The following RCAN2 variants were observed in gnomAD, a reference collection of about 807,000 sequenced individuals.
RCAN2 encodes the protein calcipressin-2.
RCAN2 carries 9 observed loss-of-function variants against 23.6 expected under a neutral mutation model. The ratio of observed to expected loss-of-function variants is 0.38; its 90% CI spans 0.23 to 0.67. RCAN2 has a LOEUF of 0.67. Ranked by LOEUF, RCAN2 falls within the 30% of genes least tolerant of loss-of-function variation. The pLI is 0.51. For synonymous variants in RCAN2, 109 were observed against 115.7 expected, an observed-to-expected ratio of 0.94 and a Z score of 0.37; for missense variants, 273 against 302.3, an observed-to-expected ratio of 0.90 and a Z score of 0.72.
intron 1 of RCAN2, among the ~76,000 whole-genome samples, chr6:46,477,378 C>T (rs1768744222): frequency 6.6e-6 from 1 of 152,094 alleles, no homozygotes; most frequent in Non-Finnish European, 1.5e-5. Context: ...TTGGGTAACA[C>T]ATAAAAGCTA....
intron 2 of RCAN2, among the ~76,000 whole-genome samples, chr6:46,249,135 T>C (rs562682446): frequency 3.3e-5 from 5 of 151,826 alleles, no homozygotes; most frequent in Non-Finnish European, 7.4e-5. Context: ...ATTCAAAGTA[T>C]ATGAAACAAA....
chr6:46,483,786 A>G (rs1486320165), intron 1 of RCAN2, among the ~76,000 whole-genome samples: 1 of 152,226 alleles, frequency 6.6e-6, no homozygotes, highest in Non-Finnish European at 1.5e-5. Context: ...TTTAAAATAA[A>G]TAGTTGCTTG....
chr6:46,290,205 G>A (rs1762510759), intron 2 of RCAN2, among the ~76,000 whole-genome samples: 1 of 152,078 alleles, frequency 6.6e-6, no homozygotes, highest in Non-Finnish European at 1.5e-5. Flanking sequence ...GACTCAGCCT[G>A]TGCCCCAATA....
intron 2 of RCAN2, among the ~76,000 whole-genome samples, chr6:46,402,894 T>C (rs888555099): frequency 1.3e-5 from 2 of 152,202 alleles, no homozygotes. Context: ...GAGGTGATAC[T>C]TCAGCAGACT....
chr6:46,372,814 C>T (rs1307855809), intron 2 of RCAN2, among the ~76,000 whole-genome samples: 2 of 152,174 alleles, frequency 1.3e-5, no homozygotes, highest in Non-Finnish European at 2.9e-5. Flanking sequence ...ATTTAACTAT[C>T]AGAAGTCTGG....
At chr6:46,356,216 C>T (rs1160139243) in intron 2 of RCAN2, among the ~76,000 whole-genome samples, 1 of 152,200 alleles carries the variant, frequency 6.6e-6, no homozygotes, top group Non-Finnish European at 1.5e-5. Context: ...CACAAACCTG[C>T]CCGGATCAGT....
At chr6:46,383,909 GC>G (rs1319096557) in intron 2 of RCAN2, among the ~76,000 whole-genome samples, 1 of 152,080 alleles carries the variant, frequency 6.6e-6, no homozygotes, top group Admixed American at 6.5e-5. Context: ...ACTGGGCCCT[GC>G]CTTCCCCTCC....
chr6:46,338,355 C>T (rs1456069208), intron 2 of RCAN2, among the ~76,000 whole-genome samples: 2 of 152,158 alleles, frequency 1.3e-5, no homozygotes, highest in East Asian at 1.9e-4. Flanking sequence ...CTAACTGTCC[C>T]TGTGACATTG....
At chr6:46,467,209 G>T (rs574639933) in intron 1 of RCAN2, among the ~76,000 whole-genome samples, 26 of 152,176 alleles carry the variant, frequency 1.7e-4, no homozygotes, top group African/African-American at 5.8e-4. Flanking sequence ...ACAGGACCTT[G>T]CACTTGGAAG....
chr6:46,270,180 C>T (rs1364196207), intron 2 of RCAN2, among the ~76,000 whole-genome samples: 1 of 151,944 alleles, frequency 6.6e-6, no homozygotes, highest in Non-Finnish European at 1.5e-5. Context: ...CAGGAGGAGT[C>T]AAGTGAGTAT....
intron 2 of RCAN2, among the ~76,000 whole-genome samples, chr6:46,387,638 C>T (rs1458381506): frequency 1.3e-5 from 2 of 152,154 alleles, no homozygotes; most frequent in African/African-American, 4.8e-5. Context: ...AATAGGAACA[C>T]TTTTACACTG....
chr6:46,490,114 G>C (rs566258682), intron 1 of RCAN2, among the ~76,000 whole-genome samples: 1 of 152,300 alleles, frequency 6.6e-6, no homozygotes, highest in East Asian at 1.9e-4. Flanking sequence ...GGATAACAAA[G>C]GTGTGAAACT....
intron 2 of RCAN2, among the ~76,000 whole-genome samples, chr6:46,378,990 T>C (rs1460331673): frequency 2.0e-5 from 3 of 152,178 alleles, no homozygotes; most frequent in Non-Finnish European, 2.9e-5. Context: ...CAGTGGCCTA[T>C]TGTGCAAAAT....
intron 2 of RCAN2, among the ~76,000 whole-genome samples, chr6:46,406,411 C>T (rs1275251895): frequency 6.6e-6 from 1 of 152,226 alleles, no homozygotes; most frequent in African/African-American, 2.4e-5. Flanking sequence ...CTCCAAATCT[C>T]ATTAAGTTCT....
At chr6:46,455,746 C>T (rs532633078) in intron 2 of RCAN2, among the ~76,000 whole-genome samples, 2 of 151,750 alleles carry the variant, frequency 1.3e-5, no homozygotes, top group South Asian at 4.2e-4. Flanking sequence ...GTCCCAGCTA[C>T]TCAGGAGGCT....
chr6:46,418,469 AT>A (rs1766772667), intron 2 of RCAN2, among the ~76,000 whole-genome samples: 1 of 151,676 alleles, frequency 6.6e-6, no homozygotes, highest in Non-Finnish European at 1.5e-5. Flanking sequence ...CCTCCTTACA[AT>A]CAGTGCCTTG....
chr6:46,383,928 T>C (rs773925893), intron 2 of RCAN2, among the ~76,000 whole-genome samples: 3 of 152,210 alleles, frequency 2.0e-5, no homozygotes, highest in Non-Finnish European at 4.4e-5. Context: ...TCCTCTGCCC[T>C]GTACCAGGGA....
intron 4 of RCAN2, among the ~76,000 whole-genome samples, chr6:46,239,969 C>A (rs1258296702): frequency 6.6e-6 from 1 of 152,040 alleles, no homozygotes; most frequent in African/African-American, 2.4e-5. Context: ...GCAAAGAAAA[C>A]TAAGGGAACC....
chr6:46,246,322 CAA>C (rs1766511344), intron 4 of RCAN2, among the ~76,000 whole-genome samples: 1 of 152,098 alleles, frequency 6.6e-6, no homozygotes, highest in Non-Finnish European at 1.5e-5. Context: ...TTTCTTGTAA[CAA>C]GGGGTTCCTG....
Sources: gnomAD v4.1 joint callset for allele counts (sites outside exome capture counted in the v4.1 genomes callset) on GRCh38, gnomAD v4.1.1 for gene constraint, MANE v1.5 for transcripts, NCBI Gene and HGNC (gene_info 2026-07-23, HGNC 2026-07-21) for gene names.